The following PTPRM variants were observed in gnomAD, a reference collection of about 807,000 sequenced individuals.
The protein encoded by PTPRM is receptor-type tyrosine-protein phosphatase mu.
Under a neutral mutation model 186.7 loss-of-function variants are expected in PTPRM, and 47 were observed. The observed-to-expected ratio is 0.25, with a 90% CI of 0.20 to 0.32. The LOEUF (loss-of-function observed/expected upper bound fraction) is 0.32. PTPRM is among the 10% of genes least tolerant of loss of function. The pLI, the probability that PTPRM is intolerant of heterozygous loss-of-function variation, is 1.00. For missense variants in PTPRM, 1,494 were observed against 1,865.0 expected, an observed-to-expected ratio of 0.80 and a Z score of 3.66; for synonymous variants, 668 against 674.9, an observed-to-expected ratio of 0.99 and a Z score of 0.16.
intron 1 of PTPRM, among the ~76,000 whole-genome samples, chr18:7,766,115 T>C (rs542438811): frequency 3.2e-4 from 48 of 152,326 alleles, no homozygotes; most frequent in African/African-American, 1.2e-3. Flanking sequence ...TGTTGTTTAC[T>C]TACTTTCTAG....
intron 7 of PTPRM, among the ~76,000 whole-genome samples, chr18:8,000,771 C>T (rs183178459): frequency 7.8e-4 from 119 of 152,316 alleles, no homozygotes; most frequent in Admixed American, 1.8e-3. Context: ...AGAAGAAAAT[C>T]AGTTCTGGAT....
At chr18:7,880,685 GTT>G (rs1285464893) in intron 2 of PTPRM, among the ~76,000 whole-genome samples, 2 of 152,284 alleles carry the variant, frequency 1.3e-5, no homozygotes, top group East Asian at 3.9e-4. Flanking sequence ...TGCTCCCGTA[GTT>G]CATTTATTTC....
intron 14 of PTPRM, among the ~76,000 whole-genome samples, chr18:8,182,975 G>A (rs1301328864): frequency 2.0e-5 from 3 of 152,064 alleles, no homozygotes; most frequent in African/African-American, 4.8e-5. Context: ...TGTTTTTCGC[G>A]CAGTGTGTCA....
chr18:7,617,012 A>G lies in PTPRM; in HGVS notation c.73+49121A>G, dbSNP rs566342570. Among the ~76,000 whole-genome samples the G allele has an allele frequency of 3.3e-5, 5 of 152,318 alleles. No homozygotes were observed. The East Asian group carries it at 7.7e-4, about 24-fold the overall frequency. ...AGAAGTACAGAGAGGGAGGTTCTGC[A>G]TTCACAAAAAATCAGAAGGGTATTA... On this transcript the variant is annotated intron_variant, in intron 1 of 32. Transcript: ENST00000580170.
At chr18:8,392,313 G>C (rs2095817946) in intron 31 of PTPRM, among the ~76,000 whole-genome samples, 2 of 152,094 alleles carry the variant, frequency 1.3e-5, no homozygotes, top group Admixed American at 1.3e-4. Flanking sequence ...GTTATACTGT[G>C]TACTGTGTTT....
At chr18:8,189,386 A>T (rs73391920) in intron 14 of PTPRM, among the ~76,000 whole-genome samples, 5,114 of 151,554 alleles carry the variant, frequency 0.034, 277 homozygotes, top group African/African-American at 0.12. Flanking sequence ...GCTACTTCTG[A>T]GTGGTAAGGG....
intron 4 of PTPRM, among the ~76,000 whole-genome samples, chr18:7,916,631 T>C (rs1276221014): frequency 6.6e-6 from 1 of 150,430 alleles, no homozygotes; most frequent in African/African-American, 2.5e-5. Context: ...AAAAATGTTA[T>C]TTTATTTTAA....
At chr18:7,612,674 G>A (rs2037705137) in intron 1 of PTPRM, among the ~76,000 whole-genome samples, 1 of 152,160 alleles carries the variant, frequency 6.6e-6, no homozygotes, top group Non-Finnish European at 1.5e-5. Context: ...ATTCTAGCCA[G>A]GTCCTCCAAA....
At chr18:8,123,785 T>TTGGGA (rs1322176973) in intron 13 of PTPRM, among the ~76,000 whole-genome samples, 1 of 152,194 alleles carries the variant, frequency 6.6e-6, no homozygotes, top group African/African-American at 2.4e-5. Context: ...TTGAAGGTTA[T>TTGGGA]TGGGATCCTT....
rs566980628 is a variant in PTPRM, at chr18:7,579,545, TG to T, written c.73+11655del. On this transcript the variant is annotated intron_variant, in intron 1 of 32. Transcript: ENST00000580170. ...CAGCATTAGAAGAGAAAATGAGTTA[TG>T]AAACAATTACATTATAGAAACTTAT... 7.9e-5 allele frequency among the ~76,000 whole-genome samples: 12 copies of T among 152,364 alleles called. No homozygotes were observed. In the East Asian group the frequency reaches 2.3e-3, roughly 29 times the overall value.
At chr18:8,004,976 C>A (rs192382481) in intron 7 of PTPRM, among the ~76,000 whole-genome samples, 128 of 152,228 alleles carry the variant, frequency 8.4e-4, no homozygotes, top group African/African-American at 2.8e-3. Context: ...TAAGTGATGA[C>A]AAAATTTGCA....
At chr18:8,113,834 G>A in intron 12 of PTPRM, 75 bp downstream of exon 12, 1 of 1,346,884 alleles carries the variant, frequency 7.4e-7, no homozygotes, top group South Asian at 1.6e-5. Context: ...TAAAATAGTA[G>A]TAAAATGGAA....
At chr18:8,161,427 T>C (rs1053973992) in intron 14 of PTPRM, among the ~76,000 whole-genome samples, 4 of 152,118 alleles carry the variant, frequency 2.6e-5, no homozygotes, top group Non-Finnish European at 5.9e-5. Flanking sequence ...GATGAGCTCC[T>C]GGTGCAGAGA....
intron 23 of PTPRM, among the ~76,000 whole-genome samples, chr18:8,359,136 C>T (rs1302569960): frequency 2.0e-5 from 3 of 152,186 alleles, no homozygotes; most frequent in Admixed American, 1.3e-4. Context: ...ACTCAAATAT[C>T]GATGAAATAC....
intron 7 of PTPRM, among the ~76,000 whole-genome samples, chr18:7,974,582 C>T (rs1307140375): frequency 1.3e-5 from 2 of 152,208 alleles, no homozygotes; most frequent in African/African-American, 4.8e-5. Flanking sequence ...ATAGGTAAGG[C>T]ACCCTTTACA....
chr18:8,344,444 G>GTATATATATATA (rs749210473), intron 23 of PTPRM, among the ~76,000 whole-genome samples: 1 of 129,534 alleles, frequency 7.7e-6, no homozygotes, highest in Non-Finnish European at 1.6e-5. Flanking sequence ...GTGTGTGTGT[G>GTATATATATATA]TGTGTATATA....
chr18:8,272,926 A>G (rs1459636079), intron 19 of PTPRM, among the ~76,000 whole-genome samples: 1 of 152,166 alleles, frequency 6.6e-6, no homozygotes, highest in African/African-American at 2.4e-5. Flanking sequence ...TATCTTTTAA[A>G]GTGAATTTAA....
chr18:7,829,876 C>CT (rs1334962108), intron 2 of PTPRM, among the ~76,000 whole-genome samples: 2 of 152,060 alleles, frequency 1.3e-5, no homozygotes, highest in Non-Finnish European at 2.9e-5. Flanking sequence ...ACTTTCCCCC[C>CT]TTTTTTGTGT....
chr18:7,884,337 G>A (rs2048659042), intron 2 of PTPRM, among the ~76,000 whole-genome samples: 1 of 152,120 alleles, frequency 6.6e-6, no homozygotes, highest in African/African-American at 2.4e-5. Flanking sequence ...TGTAGAGGAA[G>A]GGAAAAAGGG....
Sources: gnomAD v4.1 joint callset for allele counts (sites outside exome capture counted in the v4.1 genomes callset) on GRCh38, gnomAD v4.1.1 for gene constraint, MANE v1.5 for transcripts, NCBI Gene and HGNC (gene_info 2026-07-23, HGNC 2026-07-21) for gene names.